The following ANKRD6 variants were observed in gnomAD, a reference collection of about 807,000 sequenced individuals.
The protein encoded by ANKRD6 is ankyrin repeat domain-containing protein 6.
In ANKRD6, 56 loss-of-function variants were observed where a neutral mutation model predicts 82.3. The observed-to-expected ratio is 0.68, with a 90% CI of 0.55 to 0.85. ANKRD6 has a LOEUF of 0.85. Among genes scored for constraint, ANKRD6 ranks in the 40% least tolerant of loss-of-function variants. ANKRD6 has a pLI of 0.00. For synonymous variants in ANKRD6, 347 were observed against 352.1 expected (o/e 0.99, Z 0.16); for missense variants, 852 against 907.6 (o/e 0.94, Z 0.79).
intron 2 of ANKRD6, among the ~76,000 whole-genome samples, chr6:89,570,167 A>T (rs1355213042): frequency 6.6e-6 from 1 of 151,602 alleles, no homozygotes; most frequent in African/African-American, 2.4e-5. Context: ...TGTAGCCTCC[A>T]CCTCCTAGGT....
At chr6:89,450,399 G>A (rs530870342) in intron 1 of ANKRD6, among the ~76,000 whole-genome samples, 6 of 152,036 alleles carry the variant, frequency 3.9e-5, no homozygotes, top group African/African-American at 1.4e-4. Context: ...ATTCAACAAC[G>A]ATCACCCTGA....
Position 89,629,245 on chromosome 6 carries a change from C to T in ANKRD6, c.1612+7C>T, listed in dbSNP as rs190353895. On this transcript the variant is annotated splice_region_variant and intron_variant, in intron 15 of 15. Transcript: ENST00000339746. ...ACTTGTGAGTCCTCTACAGGTAACCCACACACAGAGAGCCCTTTTGTCCAA... is the reference window on the plus strand; with the variant it reads ...ACTTGTGAGTCCTCTACAGGTAACCTACACACAGAGAGCCCTTTTGTCCAA... 6 of 1,613,626 alleles carry T rather than the reference C, an allele frequency of 3.7e-6. No homozygotes were observed. In the East Asian group the frequency reaches 1.3e-4, roughly 36 times the overall value.
At chr6:89,600,462 T>C (rs1796878001) in intron 3 of ANKRD6, among the ~76,000 whole-genome samples, 1 of 152,152 alleles carries the variant, frequency 6.6e-6, no homozygotes, top group African/African-American at 2.4e-5. Flanking sequence ...TACAGAGTGA[T>C]AAGCTTTGTC....
At chr6:89,617,590 A>T (rs1801910960) in intron 8 of ANKRD6, among the ~76,000 whole-genome samples, 1 of 152,300 alleles carries the variant, frequency 6.6e-6, no homozygotes, top group South Asian at 2.1e-4. Flanking sequence ...TCCCCAACTG[A>T]AACATTCCCC....
chr6:89,473,282 A>T (rs1000414629), intron 1 of ANKRD6, among the ~76,000 whole-genome samples: 1 of 151,916 alleles, frequency 6.6e-6, no homozygotes, highest in African/African-American at 2.4e-5. Flanking sequence ...ATGGCGGCGT[A>T]TGCCCATAAT....
In ANKRD6 at chr6:89,466,663, G is replaced by T. The variant is rs1302361517; in HGVS notation, c.-144+33288G>T. Among the ~76,000 whole-genome samples the T allele has an allele frequency of 1.3e-5, 2 of 152,170 alleles. 1 individual carries two copies. The highest frequency in any genetic ancestry group is 4.2e-4 in the South Asian group (2 of 4,818). ...TTTCTTTCAAAATCTTCACCTTCCTGTAAATTGTGAATTTGTAAGAGGTTT... is the reference window on the plus strand; with the variant it reads ...TTTCTTTCAAAATCTTCACCTTCCTTTAAATTGTGAATTTGTAAGAGGTTT... On this transcript the variant is annotated intron_variant, in intron 1 of 15. Transcript: ENST00000339746.
intron 1 of ANKRD6, among the ~76,000 whole-genome samples, chr6:89,483,951 T>C (rs905750221): frequency 6.6e-5 from 10 of 152,200 alleles, no homozygotes; most frequent in African/African-American, 2.4e-4. Context: ...AGTCTCGTGC[T>C]GTTGCCCAGG....
At chr6:89,536,418 C>T (rs1048316209) in intron 1 of ANKRD6, among the ~76,000 whole-genome samples, 6 of 152,226 alleles carry the variant, frequency 3.9e-5, no homozygotes, top group African/African-American at 1.4e-4. Context: ...GCTACATCCT[C>T]ACCACCTGAG....
chr6:89,464,171 T>C (rs1295753022), intron 1 of ANKRD6, among the ~76,000 whole-genome samples: 1 of 152,176 alleles, frequency 6.6e-6, no homozygotes, highest in Non-Finnish European at 1.5e-5. Flanking sequence ...GTCCTTGTTT[T>C]GTAATAAGTT....
intron 3 of ANKRD6, among the ~76,000 whole-genome samples, chr6:89,601,150 C>T (rs1797050496): frequency 6.6e-6 from 1 of 152,214 alleles, no homozygotes; most frequent in Non-Finnish European, 1.5e-5. Context: ...GCACAGCCTA[C>T]CTCCTGCAGC....
At chr6:89,599,295 C>T (rs1796574638) in intron 3 of ANKRD6, among the ~76,000 whole-genome samples, 1 of 152,132 alleles carries the variant, frequency 6.6e-6, no homozygotes, top group South Asian at 2.1e-4. Flanking sequence ...ATTGATTGAG[C>T]CTGGGAGGTG....
chr6:89,598,204 T>G, intron 3 of ANKRD6: 7 of 985,430 alleles, frequency 7.1e-6, no homozygotes, highest in Non-Finnish European at 8.4e-6. Flanking sequence ...TTCTTTAGAT[T>G]ATGCAACTCC....
intron 1 of ANKRD6, among the ~76,000 whole-genome samples, chr6:89,446,302 A>G (rs992527519): frequency 6.6e-6 from 1 of 152,044 alleles, no homozygotes; most frequent in Non-Finnish European, 1.5e-5. Context: ...CAGTGAGTCA[A>G]GATCGTGCCA....
chr6:89,609,990 G>C (rs763838562), intron 5 of ANKRD6, among the ~76,000 whole-genome samples: 2 of 152,096 alleles, frequency 1.3e-5, no homozygotes, highest in Non-Finnish European at 2.9e-5. Context: ...GGGACATTTT[G>C]TACCAGCCAT....
intron 1 of ANKRD6, among the ~76,000 whole-genome samples, chr6:89,524,401 T>C: frequency 6.6e-6 from 1 of 152,156 alleles, no homozygotes; most frequent in East Asian, 1.9e-4. Context: ...TATTTGCTTT[T>C]CCAATCCTGA....
intron 6 of ANKRD6, among the ~76,000 whole-genome samples, chr6:89,612,605 C>G (rs1440631249): frequency 2.0e-5 from 3 of 152,154 alleles, no homozygotes; most frequent in Non-Finnish European, 4.4e-5. Context: ...CCCTTCATGC[C>G]TCATCTTTGG....
At chr6:89,519,564 A>G (rs1211718557) in intron 1 of ANKRD6, among the ~76,000 whole-genome samples, 2 of 152,242 alleles carry the variant, frequency 1.3e-5, no homozygotes, top group Admixed American at 6.5e-5. Context: ...TCTGAGTCTT[A>G]GAGTTGAGGT....
chr6:89,597,737 C>G (rs1796218415), intron 3 of ANKRD6, among the ~76,000 whole-genome samples: 1 of 152,162 alleles, frequency 6.6e-6, no homozygotes, highest in Non-Finnish European at 1.5e-5. Flanking sequence ...GCATCTTTTC[C>G]TTGTCCTAGA....
chr6:89,616,400 T>C, intron 7 of ANKRD6, 159 bp from the exon 8 acceptor site: 1 of 627,766 alleles, frequency 1.6e-6, no homozygotes, highest in Non-Finnish European at 2.8e-6. Flanking sequence ...CAAGACCTCT[T>C]TAAGTAGAGC....
Sources: allele counts gnomAD v4.1 joint callset (sites outside exome capture counted in the v4.1 genomes callset), GRCh38; gene constraint gnomAD v4.1.1; transcripts MANE v1.5; gene names NCBI Gene and HGNC (gene_info 2026-07-23, HGNC 2026-07-21).